Variants in LARGE1 observed in about 807,000 individuals in gnomAD.
The protein encoded by LARGE1 is LARGE xylosyl- and glucuronyltransferase 1.
LARGE1 carries 43 observed loss-of-function variants against 87.6 expected under a neutral mutation model. The observed-to-expected ratio is 0.49, with a 90% CI of 0.38 to 0.63. The LOEUF (loss-of-function observed/expected upper bound fraction) is 0.63. Among genes scored for constraint, LARGE1 ranks in the 30% least tolerant of loss-of-function variants. The pLI is 0.00. For synonymous variants in LARGE1, 434 were observed against 394.6 expected (o/e 1.10, Z -1.18); for missense variants, 802 against 1,000.2 (o/e 0.80, Z 2.67).
At chr22:33,463,394 A>C (rs1345166713) in intron 6 of LARGE1, among the ~76,000 whole-genome samples, 2 of 152,242 alleles carry the variant, frequency 1.3e-5, no homozygotes, top group African/African-American at 4.8e-5. Flanking sequence ...TCTACTGATA[A>C]ATTATACAAG....
the LARGE1 span, among the ~76,000 whole-genome samples, chr22:33,120,441 C>A: frequency 7.5e-6 from 1 of 134,144 alleles, no homozygotes; most frequent in Non-Finnish European, 1.6e-5. Flanking sequence ...TCTCTCCTTC[C>A]TTCCTTCTCT....
At position 33,831,681 on chromosome 22, in the gene LARGE1, T is replaced by C. The variant is rs182175982; in HGVS notation, c.-82-70123A>G. Among the ~76,000 whole-genome samples the C allele has an allele frequency of 5.6e-4, 85 of 151,778 alleles. 2 individuals are homozygous for C. In the East Asian group the frequency reaches 0.015, roughly 26 times the overall value. On this transcript the variant is annotated intron_variant, in intron 1 of 14. Coordinates refer to ENST00000397394, the MANE Select transcript of LARGE1 (RefSeq NM_133642.5). ...AACTTGCAGTTTGCAAACTCAGACA[T>C]AGACATACCACTAGCAAACAGTGGA...
chr22:33,841,837 C>T lies in LARGE1; in HGVS notation c.-83+78158G>A, dbSNP rs528202615. Among the ~76,000 whole-genome samples the T allele has an allele frequency of 6.4e-4, 98 of 152,120 alleles. 1 individual carries two copies. The highest frequency in any genetic ancestry group is 1.2e-3 in the Non-Finnish European group (81 of 68,036). ...CCTCAGCACAGGCTATGTGACTTGC[C>T]CTGAGTCACACTGCTACTAAGAGAC... On this transcript the variant is annotated intron_variant, in intron 1 of 14. Coordinates refer to ENST00000397394, the MANE Select transcript of LARGE1 (RefSeq NM_133642.5).
chr22:33,536,726 A>T (rs932311911), intron 6 of LARGE1, among the ~76,000 whole-genome samples: 1 of 152,076 alleles, frequency 6.6e-6, no homozygotes, highest in Non-Finnish European at 1.5e-5. Context: ...AGGCATGATG[A>T]CTCCCATCTA....
At chr22:33,081,442 G>C in the LARGE1 span, among the ~76,000 whole-genome samples, 1 of 152,214 alleles carries the variant, frequency 6.6e-6, no homozygotes. Flanking sequence ...GTAAAAGACT[G>C]AGGCAGGAAT....
At chr22:33,663,012 G>A (rs1011800798) in intron 2 of LARGE1, among the ~76,000 whole-genome samples, 2 of 151,734 alleles carry the variant, frequency 1.3e-5, no homozygotes, top group Non-Finnish European at 2.9e-5. Flanking sequence ...ATTCCAACAA[G>A]TATCTATATT....
chr22:33,602,032 C>T (rs763107345), intron 5 of LARGE1, among the ~76,000 whole-genome samples: 36 of 152,042 alleles, frequency 2.4e-4, no homozygotes, highest in South Asian at 8.3e-4. Flanking sequence ...TGTTGATGGA[C>T]TTCACAACCG....
chr22:33,785,206 CAT>C (rs761961454), intron 1 of LARGE1, among the ~76,000 whole-genome samples: 11 of 147,878 alleles, frequency 7.4e-5, no homozygotes, highest in Admixed American at 4.7e-4. Context: ...TGTATACATA[CAT>C]ATGTGTATAT....
intron 7 of LARGE1, among the ~76,000 whole-genome samples, chr22:33,410,663 C>T (rs1405552539): frequency 6.6e-6 from 1 of 151,996 alleles, no homozygotes; most frequent in African/African-American, 2.4e-5. Context: ...ATTACCCAGT[C>T]TCAGGTATTT....
At chr22:33,921,093 T>TCGGCGCCCGCCC (rs1229652575), upstream of LARGE1, among the ~76,000 whole-genome samples, 50 of 147,872 alleles carry the variant, frequency 3.4e-4, no homozygotes, top group East Asian at 3.1e-3. This position sits in a 1 kb window ranked among gnomAD's most constrained non-coding sequence, Gnocchi z 4.1. Flanking sequence ...GGCGCCCGCG[T>TCGGCGCCCGCCC]CGGCGCCCGC....
intron 1 of LARGE1, among the ~76,000 whole-genome samples, chr22:33,819,728 T>A (rs1219406173): frequency 6.6e-6 from 1 of 152,224 alleles, no homozygotes; most frequent in East Asian, 1.9e-4. Flanking sequence ...AATCTGAACC[T>A]TGCCTACTCC....
intron 12 of LARGE1, among the ~76,000 whole-genome samples, chr22:33,286,986 A>G (rs1931667020): frequency 6.6e-6 from 1 of 151,426 alleles, no homozygotes; most frequent in African/African-American, 2.5e-5. Context: ...ACCCAGGCTG[A>G]GCACATCAGT....
chr22:33,326,483 G>A (rs1489673884), intron 10 of LARGE1, among the ~76,000 whole-genome samples: 1 of 152,100 alleles, frequency 6.6e-6, no homozygotes, highest in East Asian at 1.9e-4. Context: ...CTAAGCTCCT[G>A]GCCCTGTCTT....
At chr22:33,265,067 A>AT (rs999123132) in intron 11 of LARGE1, among the ~76,000 whole-genome samples, 13 of 150,554 alleles carry the variant, frequency 8.6e-5, no homozygotes, top group African/African-American at 2.4e-4. Context: ...TGCCTGGCTA[A>AT]TTTTTTTTAT....
At position 33,499,962 on chromosome 22, in the gene LARGE1, C is replaced by T. The variant is rs767799761; in HGVS notation, c.787+64886G>A. 3.9e-5 allele frequency among the ~76,000 whole-genome samples: 6 copies of T among 152,034 alleles called. No homozygotes were observed. The South Asian group carries it at 8.3e-4, about 21-fold the overall frequency. ...CTACATTTTGTATTTTTAGTAGAGA[C>T]GGGGTTTCACCACATTGGTCAGGCT... On this transcript the variant is annotated intron_variant, in intron 6 of 14. Transcript: ENST00000397394.
intron 10 of LARGE1, among the ~76,000 whole-genome samples, chr22:33,321,361 C>A (rs1936693660): frequency 6.6e-6 from 1 of 152,150 alleles, no homozygotes; most frequent in Admixed American, 6.5e-5. Flanking sequence ...CCTTCTGATT[C>A]ATACATATTA....
chr22:33,819,911 C>A (rs1001562622), intron 1 of LARGE1, among the ~76,000 whole-genome samples: 1 of 152,274 alleles, frequency 6.6e-6, no homozygotes, highest in Non-Finnish European at 1.5e-5. Context: ...CAAGTCCTAG[C>A]CAGTAGGACA....
At chr22:33,495,612 G>C (rs572421882) in intron 6 of LARGE1, among the ~76,000 whole-genome samples, 91 of 152,198 alleles carry the variant, frequency 6.0e-4, no homozygotes, top group South Asian at 2.3e-3. Flanking sequence ...CCAGCTACTC[G>C]GGAGGCTGAG....
chr22:33,152,554 AT>A, the LARGE1 span, among the ~76,000 whole-genome samples: 23 of 151,882 alleles, frequency 1.5e-4, no homozygotes, highest in African/African-American at 5.6e-4. Context: ...CATTTTTTGG[AT>A]TTTTTATTTT....
Sources: allele counts gnomAD v4.1 joint callset (sites outside exome capture counted in the v4.1 genomes callset), GRCh38; gene constraint gnomAD v4.1.1; non-coding constraint Gnocchi (gnomAD v3.1); transcripts MANE v1.5; gene names NCBI Gene and HGNC (gene_info 2026-07-23, HGNC 2026-07-21).